Variants in DTX3 observed in about 807,000 individuals in gnomAD.
The protein encoded by DTX3 is E3 ubiquitin-protein ligase DTX3.
A neutral mutation model predicts 27.4 loss-of-function variants in DTX3; 10 were observed. The observed-to-expected ratio is 0.36, with a 90% CI of 0.22 to 0.62. The LOEUF (loss-of-function observed/expected upper bound fraction) is 0.62, where lower values mean the gene tolerates loss of function less well. DTX3 is among the 20% of genes least tolerant of loss of function. The pLI, the probability that DTX3 is intolerant of heterozygous loss-of-function variation, is 0.68. For synonymous variants in DTX3, 171 were observed against 190.7 expected, an observed-to-expected ratio of 0.90 and a Z score of 0.85; for missense variants, 319 against 463.8, an observed-to-expected ratio of 0.69 and a Z score of 2.87.
Position 57,608,409 on chromosome 12 carries a change from G to C in DTX3, c.751-111G>C, listed in dbSNP as rs1254484612. ...CTGTCAGCCTGTTGCTGCCCCGTTC[G>C]CATTAGCTGGGGGTGCTCAGACAGA... is the stretch of plus-strand genomic sequence containing the variant. On this transcript the variant is annotated intron_variant, in intron 5 of 6. Coordinates refer to ENST00000337737, the MANE Select transcript of DTX3 (RefSeq NM_178502.4). The surrounding 1 kb of genome is among the most constrained non-coding windows in gnomAD (Gnocchi z 6.1). 3 of 938,282 alleles carry C rather than the reference G, an allele frequency of 3.2e-6. No individual in the cohort carries two copies. In the South Asian group the frequency reaches 4.9e-5, roughly 15 times the overall value. 58.1% of individuals were successfully genotyped at this position (938,282 alleles called of 1,614,324 possible). A position where few individuals can be genotyped will look rare whatever the true frequency, so the allele number is the denominator to read the frequency against.
chr12:57,608,344 C>T lies in DTX3; in HGVS notation c.751-176C>T, dbSNP rs1883837029. On this transcript the variant is annotated intron_variant, in intron 5 of 6. Coordinates refer to ENST00000337737, the MANE Select transcript of DTX3 (RefSeq NM_178502.4). The surrounding 1 kb of genome is among the most constrained non-coding windows in gnomAD (Gnocchi z 6.1). The stretch of plus-strand genomic sequence containing the variant: ...TAAGGATTATGCTCTGAAACAGGCT[C>T]TTGCTGCCGAGGCCGTATAATCTCT... 1.3e-5 allele frequency among the ~76,000 whole-genome samples: 2 copies of T among 152,194 alleles called. No homozygotes were observed. The highest frequency in any genetic ancestry group is 1.3e-4 in the Admixed American group (2 of 15,278).
chr12:57,607,280 C>CCCACCACCA lies in DTX3; in HGVS notation c.419_420insACCACCACC (p.Pro142_Pro144dup). 1 of 1,567,418 alleles carries CCCACCACCA rather than the reference C, an allele frequency of 6.4e-7. No homozygotes were observed. Among genetic ancestry groups the CCCACCACCA allele is most frequent in the Non-Finnish European group, 8.7e-7 (1 of 1,155,558 alleles). Reference sequence around the variant, plus strand: ...TGCCCCCAGGAGCTCGGGGGCTCCCCCCTCCTCCTCCCCCCCTGCCCCCAC... The same window carrying CCCACCACCA: ...TGCCCCCAGGAGCTCGGGGGCTCCCCCCACCACCACCTCCTCCTCCCCCCCTGCCCCCAC... On this transcript the variant is annotated inframe_insertion, in exon 5 of 7. Coordinates refer to ENST00000337737, the MANE Select transcript of DTX3 (RefSeq NM_178502.4). This position sits in a 1 kb window ranked among gnomAD's most constrained non-coding sequence, Gnocchi z 7.7.
chr12:57,608,610 C>A lies in DTX3; in HGVS notation c.841C>A (p.Leu281Met). 1 of 1,614,208 alleles carries A rather than the reference C, an allele frequency of 6.2e-7. No individual in the cohort carries two copies. The highest frequency in any genetic ancestry group is 2.2e-5 in the East Asian group (1 of 44,884). The part of the protein sequence containing the change: ...DCPEGNKVLT[L>M]FRKAFDQRLT... ...CCCTGAGGGCAACAAGGTGCTGACC[C>A]TGTTCCGCAAGGCGTTTGACCAGCG... The change falls in exon 6 of 7, where the codon CTG becomes ATG. Residue 281 changes from leucine to methionine, a missense_variant. Coordinates refer to ENST00000337737, the MANE Select transcript of DTX3 (RefSeq NM_178502.4). The surrounding 1 kb of genome is among the most constrained non-coding windows in gnomAD (Gnocchi z 6.1).
In DTX3 at chr12:57,607,276, TC is replaced by T; in HGVS notation, c.419del (p.Pro140LeufsTer56). The T allele has an allele frequency of 5.1e-6, 7 of 1,376,988 alleles. No individual in the cohort carries two copies. The highest frequency in any genetic ancestry group is 2.5e-4 in the Middle Eastern group (1 of 4,002). 85.3% of individuals were successfully genotyped at this position (1,376,988 alleles called of 1,614,324 possible). On this transcript the variant is annotated frameshift_variant, in exon 5 of 7. Transcript: ENST00000337737. LOFTEE classifies it high-confidence loss of function. This position sits in a 1 kb window ranked among gnomAD's most constrained non-coding sequence, Gnocchi z 7.7. ...CTTCTGCCCCCAGGAGCTCGGGGGC[TC>T]CCCCCTCCTCCTCCCCCCCTGCCCC... The part of the protein sequence containing the change: ...APLLPPGARG[L>X]PPPPPPLPPP...
chr12:57,606,914 C>G lies in DTX3; in HGVS notation c.51C>G (p.Asn17Lys), dbSNP rs560352567. Residue 17 changes from asparagine to lysine, a missense_variant, in exon 5 of 7, where the codon AAC becomes AAG. By Grantham distance (94) the Asn-to-Lys change is moderately conservative (BLOSUM62 0). Around this residue, in one of 2 missense-constraint regions of DTX3, gnomAD observed 202 missense variants for 205.3 expected, o/e 0.98. Transcript: ENST00000337737. Reference sequence around the variant, plus strand: ...CAGCCTGTGGAGGCACCTGCAAGAACAAAGTGACTGTGTCCAAGCCCGTGT... The same window carrying G: ...CAGCCTGTGGAGGCACCTGCAAGAAGAAAGTGACTGTGTCCAAGCCCGTGT... ...RMAACGGTCK[N>K]KVTVSKPVWD... is the part of the protein sequence containing the mutation. The G allele has an allele frequency of 1.9e-6, 3 of 1,614,148 alleles. No homozygotes were observed. The highest frequency in any genetic ancestry group is 2.2e-5 in the East Asian group (1 of 44,882).
chr12:57,609,019 G>A (rs1883888458), intron 6 of DTX3, 58 bp from the exon 7 acceptor site: 19 of 1,505,992 alleles, frequency 1.3e-5, no homozygotes, highest in African/African-American at 2.8e-5. Context: ...GTGAGCATGG[G>A]GATAATAGCA....
Position 57,608,056 on chromosome 12 carries a change from A to G in DTX3, c.750+443A>G, listed in dbSNP as rs1883822948. Among the ~76,000 whole-genome samples the G allele has an allele frequency of 6.6e-6, 1 of 152,206 alleles. No homozygotes were observed. The highest frequency in any genetic ancestry group is 2.4e-5 in the African/African-American group (1 of 41,450). ...CTATAGGTGTCTTCCTGCTGGACAA[A>G]GAGTAATGTGCAATTCTGGCTGCAG... On this transcript the variant is annotated intron_variant, in intron 5 of 6. Coordinates refer to ENST00000337737, the MANE Select transcript of DTX3 (RefSeq NM_178502.4). This position sits in a 1 kb window ranked among gnomAD's most constrained non-coding sequence, Gnocchi z 6.1.
At chr12:57,609,048 C>T (rs759035747) in intron 6 of DTX3, 29 bp from the exon 7 acceptor site, 1 of 1,605,096 alleles carries the variant, frequency 6.2e-7, no homozygotes, top group South Asian at 1.1e-5. Flanking sequence ...CAGCTAACAA[C>T]CCTCACCCTC....
In DTX3 at chr12:57,606,931, A is replaced by G. The variant is rs1467713263; in HGVS notation, c.68A>G (p.Lys23Arg). ...TGCAAGAACAAAGTGACTGTGTCCAAGCCCGTGTGGGACTTCCTGAGCAAA... is the reference window on the plus strand; with the variant it reads ...TGCAAGAACAAAGTGACTGTGTCCAGGCCCGTGTGGGACTTCCTGAGCAAA... The part of the protein sequence containing the change: ...GTCKNKVTVS[K>R]PVWDFLSKET... The change falls in exon 5 of 7, where the codon AAG (lysine) becomes AGG (arginine). Residue 23 changes from lysine to arginine, a missense_variant. Coordinates refer to ENST00000337737, the MANE Select transcript of DTX3 (RefSeq NM_178502.4). The G allele has an allele frequency of 1.9e-6, 3 of 1,614,108 alleles. No individual in the cohort carries two copies. In the African/African-American group the frequency reaches 4.0e-5, roughly 22 times the overall value.
intron 2 of DTX3, chr12:57,605,969 T>C (rs1247083196): frequency 1.3e-5 from 2 of 152,642 alleles, no homozygotes; most frequent in Admixed American, 6.5e-5. Context: ...CTTTCCTGAC[T>C]TCTCTTATGT....
Position 57,609,192 on chromosome 12 carries a change from A to G in DTX3, c.*40A>G. The G allele has an allele frequency of 2.5e-6, 4 of 1,593,302 alleles. No individual in the cohort carries two copies. Among genetic ancestry groups the G allele is most frequent in the South Asian group, 1.1e-5 (1 of 90,362 alleles). Reference sequence around the variant, plus strand: ...GCCAAGGCCCCTGCTGTCTGCCTCTACTAGGACCCAGCAGAAGCCTCTTTC... The same window carrying G: ...GCCAAGGCCCCTGCTGTCTGCCTCTGCTAGGACCCAGCAGAAGCCTCTTTC... On this transcript the variant is annotated 3_prime_UTR_variant, in exon 7 of 7. Coordinates refer to ENST00000337737, the MANE Select transcript of DTX3 (RefSeq NM_178502.4).
rs1339992555 is a variant in DTX3 at position 57,609,720 on chromosome 12, A to T, written c.*568A>T. On this transcript the variant is annotated 3_prime_UTR_variant, in exon 7 of 7. Transcript: ENST00000337737. ...TCTCCGCTCTTCTCTGACCCCTGTG[A>T]GGAACCTCCTTACCCTGTTCTGGAA... 6.2e-6 allele frequency: 1 copy of T among 160,524 alleles called. No individual in the cohort carries two copies. Among genetic ancestry groups the T allele is most frequent in the African/African-American group, 2.4e-5 (1 of 41,562 alleles). 9.9% of individuals were successfully genotyped at this position (160,524 alleles called of 1,614,324 possible). A position where few individuals can be genotyped will look rare whatever the true frequency, so the allele number is the denominator to read the frequency against.
Position 57,607,589 on chromosome 12 carries a change from C to T in DTX3, c.726C>T (p.Tyr242=), listed in dbSNP as rs769945911. Residue 242 remains tyrosine (Y), a synonymous_variant, in exon 5 of 7, where the codon TAC becomes TAT. Coordinates refer to ENST00000337737, the MANE Select transcript of DTX3 (RefSeq NM_178502.4). The surrounding 1 kb of genome is among the most constrained non-coding windows in gnomAD (Gnocchi z 7.7). ...YEKYGTIVIQ[Y]VFPPGVQGAE... ...AGTACGGCACCATTGTCATCCAGTA[C>T]GTCTTCCCGCCCGGTGTCCAGGGGG... The T allele has an allele frequency of 1.2e-5, 20 of 1,614,190 alleles. No homozygotes were observed. Among genetic ancestry groups the T allele is most frequent in the South Asian group, 9.9e-5 (9 of 91,084 alleles).
rs1308727968 is a variant in DTX3, at chr12:57,607,470, G to A, written c.607G>A (p.Gly203Ser). ...GGTGAAAAAGGCCTGCCCCATGTGC[G>A]GCCGCTTCTATGGGCAGCTGGTGGG... Reference protein sequence around the residue: ...LQVKKACPMCGRFYGQLVGNQ... With the variant: ...LQVKKACPMCSRFYGQLVGNQ... Residue 203 changes from glycine (G) to serine (S), a missense_variant, in exon 5 of 7, where the codon GGC (glycine) becomes AGC (serine). Physicochemically the swap from Gly to Ser is moderately conservative, Grantham distance 56. Transcript: ENST00000337737. The surrounding 1 kb of genome is among the most constrained non-coding windows in gnomAD (Gnocchi z 7.7). 6.2e-7 allele frequency: 1 copy of A among 1,614,172 alleles called. No individual in the cohort carries two copies. The highest frequency in any genetic ancestry group is 8.5e-7 in the Non-Finnish European group (1 of 1,180,026).
chr12:57,607,628 G>A lies in DTX3; in HGVS notation c.750+15G>A. On this transcript the variant is annotated intron_variant, in intron 5 of 6. Transcript: ENST00000337737. This position sits in a 1 kb window ranked among gnomAD's most constrained non-coding sequence, Gnocchi z 7.7. ...GTGTCCAGGGGGTAAGAAGACCATGGCCTGCCCTTACCCTTTGGCTTTCCC... is the reference window on the plus strand; with the variant it reads ...GTGTCCAGGGGGTAAGAAGACCATGACCTGCCCTTACCCTTTGGCTTTCCC... The A allele has an allele frequency of 6.2e-7, 1 of 1,613,982 alleles. No individual in the cohort carries two copies. Among genetic ancestry groups the A allele is most frequent in the Non-Finnish European group, 8.5e-7 (1 of 1,179,994 alleles).
At position 57,609,680 on chromosome 12, in the gene DTX3, C is replaced by G. The variant is rs996802391; in HGVS notation, c.*528C>G. Reference sequence around the variant, plus strand: ...TCCTTTCTCTCCTGTGTCTCAGTCTCCGTCAGTCTGTCTTTCTCCGCTCTT... The same window carrying G: ...TCCTTTCTCTCCTGTGTCTCAGTCTGCGTCAGTCTGTCTTTCTCCGCTCTT... On this transcript the variant is annotated 3_prime_UTR_variant, in exon 7 of 7. Coordinates refer to ENST00000337737, the MANE Select transcript of DTX3 (RefSeq NM_178502.4). 9 of 164,956 alleles carry G rather than the reference C, an allele frequency of 5.5e-5. No individual in the cohort carries two copies. The highest frequency in any genetic ancestry group is 2.2e-4 in the African/African-American group (9 of 41,746). 10.2% of individuals were successfully genotyped at this position (164,956 alleles called of 1,614,324 possible).
In DTX3 at chr12:57,608,994, C is replaced by T; in HGVS notation, c.969-83C>T. 7 of 1,318,134 alleles carry T rather than the reference C, an allele frequency of 5.3e-6. No homozygotes were observed. Among genetic ancestry groups the T allele is most frequent in the Admixed American group, 1.8e-5 (1 of 55,054 alleles). 81.7% of individuals were successfully genotyped at this position (1,318,134 alleles called of 1,614,324 possible). ...TAGGGGAGGTGGGGAGGTGTCTGAG[C>T]CACCTAGAATGAGGGTGAGCATGGG... On this transcript the variant is annotated intron_variant, in intron 6 of 6. Transcript: ENST00000337737. This position sits in a 1 kb window ranked among gnomAD's most constrained non-coding sequence, Gnocchi z 6.1.
Position 57,607,158 on chromosome 12 carries a change from C to A in DTX3, c.295C>A (p.Gln99Lys). 6.2e-7 allele frequency: 1 copy of A among 1,614,076 alleles called. No individual in the cohort carries two copies. The highest frequency in any genetic ancestry group is 1.3e-5 in the African/African-American group (1 of 75,070). The change falls in exon 5 of 7, where the codon CAG becomes AAG. Residue 99 changes from glutamine (Q) to lysine (K), a missense_variant. By Grantham distance (53) the Gln-to-Lys change is moderately conservative. Transcript: ENST00000337737. The surrounding 1 kb of genome is among the most constrained non-coding windows in gnomAD (Gnocchi z 7.7). ...GAAAGAGCTGAAGAAAGCTCAGAGG[C>A]AGGGGGAGCTGATGGGCTGCCTGGC... ...AEKELKKAQR[Q>K]GELMGCLALG...
chr12:57,605,156 G>A (rs567186466), intron 1 of DTX3: 1 of 152,610 alleles, frequency 6.6e-6, no homozygotes, highest in African/African-American at 2.4e-5. Context: ...GGTCTTGGAG[G>A]AGGCCGTGGG....
Sources: gnomAD v4.1 joint callset for allele counts (sites outside exome capture counted in the v4.1 genomes callset) on GRCh38, gnomAD v4.1.1 for gene constraint, gnomAD v4.1.1 regional missense constraint, Gnocchi (gnomAD v3.1) non-coding constraint, MANE v1.5 for transcripts, NCBI Gene and HGNC (gene_info 2026-07-23, HGNC 2026-07-21) for gene names.